ZNF664: variants seen among roughly 807,000 people sequenced by gnomAD.
The protein encoded by ZNF664 is zinc finger protein 664.
In ZNF664, 10 loss-of-function variants were observed where a neutral mutation model predicts 18.2. The observed-to-expected ratio is 0.55, with a 90% CI of 0.34 to 0.93. The LOEUF (loss-of-function observed/expected upper bound fraction) is 0.93, where lower values mean the gene tolerates loss of function less well. Ranked by LOEUF, ZNF664 falls within the 40% of genes least tolerant of loss-of-function variation. ZNF664 has a pLI of 0.02. For synonymous variants in ZNF664, 119 were observed against 104.2 expected (o/e 1.14, Z -0.86); for missense variants, 193 against 319.0 (o/e 0.61, Z 3.01).
intron 3 of ZNF664, among the ~76,000 whole-genome samples, chr12:123,993,122 G>A (rs1197715793): frequency 6.6e-6 from 1 of 152,206 alleles, no homozygotes; most frequent in Non-Finnish European, 1.5e-5. Context: ...GTTTGGCGAA[G>A]TCAGAGAAGG....
chr12:123,998,986 A>G (rs10846581), intron 3 of ZNF664, among the ~76,000 whole-genome samples: 17,474 of 152,184 alleles, frequency 0.11, 2,006 homozygotes, highest in East Asian at 0.54. Context: ...CTAGGGATAT[A>G]GGGATCTTTC....
chr12:123,996,021 G>A (rs1292661066), intron 3 of ZNF664, among the ~76,000 whole-genome samples: 1 of 152,170 alleles, frequency 6.6e-6, no homozygotes, highest in Non-Finnish European at 1.5e-5. Flanking sequence ...AGTGCAGTTA[G>A]GAAAGGGAAA....
intron 3 of ZNF664, among the ~76,000 whole-genome samples, chr12:124,007,864 T>C (rs1957091422): frequency 6.6e-6 from 1 of 152,214 alleles, no homozygotes; most frequent in South Asian, 2.1e-4. Flanking sequence ...TGCTGAAGCA[T>C]TTTAAGTCAC....
At chr12:123,996,469 T>C (rs1294330376) in intron 3 of ZNF664, among the ~76,000 whole-genome samples, 1 of 152,170 alleles carries the variant, frequency 6.6e-6, no homozygotes, top group Non-Finnish European at 1.5e-5. Context: ...GGAGATAGAA[T>C]GCTCTGTAAA....
At chr12:124,011,510 G>A (rs1254599644) in intron 4 of ZNF664, 36 bp from the exon 5 acceptor site, 3 of 799,298 alleles carry the variant, frequency 3.8e-6, no homozygotes, top group Non-Finnish European at 4.5e-6. Flanking sequence ...CCAGATAAAA[G>A]CATTTTCAAT....
intron 2 of ZNF664, among the ~76,000 whole-genome samples, chr12:123,976,063 G>A (rs1209354014): frequency 1.3e-5 from 2 of 152,114 alleles, no homozygotes; most frequent in Non-Finnish European, 2.9e-5. Flanking sequence ...CTTTCTTTCA[G>A]ATATATATGA....
intron 3 of ZNF664, among the ~76,000 whole-genome samples, chr12:123,990,261 A>T (rs1397647226): frequency 6.6e-6 from 1 of 152,192 alleles, no homozygotes; most frequent in Admixed American, 6.5e-5. Flanking sequence ...AATGGTTAAG[A>T]TGGTAGATTT....
At chr12:124,007,033 G>T (rs1470023022) in intron 3 of ZNF664, among the ~76,000 whole-genome samples, 2 of 152,170 alleles carry the variant, frequency 1.3e-5, no homozygotes, top group East Asian at 3.8e-4. Context: ...AGAGTTGGGT[G>T]GGGGCTGTGT....
At chr12:123,975,994 T>G (rs979217502) in intron 2 of ZNF664, among the ~76,000 whole-genome samples, 3 of 152,208 alleles carry the variant, frequency 2.0e-5, no homozygotes, top group Non-Finnish European at 2.9e-5. Context: ...GATTGAATGA[T>G]GTGATGGGTA....
At chr12:123,980,774 C>A (rs1222507051) in intron 2 of ZNF664, among the ~76,000 whole-genome samples, 5 of 152,130 alleles carry the variant, frequency 3.3e-5, no homozygotes, top group Non-Finnish European at 7.3e-5. Flanking sequence ...AGATGGAAAT[C>A]TTAAGAATTG....
rs1278930981 is a variant in ZNF664 at position 124,014,594 on chromosome 12, G to A, written c.*1664G>A. 6.0e-6 allele frequency: 1 copy of A among 167,104 alleles called. No individual in the cohort carries two copies. Among genetic ancestry groups the A allele is most frequent in the Admixed American group, 6.5e-5 (1 of 15,292 alleles). The allele number at this position is 167,104 out of a possible 1,614,324, so 10.4% of individuals were successfully genotyped here. On this transcript the variant is annotated 3_prime_UTR_variant, in exon 5 of 5. Transcript: ENST00000337815. The stretch of plus-strand genomic sequence containing the variant: ...CTCAGGAAGTCTTTGGGGAAATTAA[G>A]GATCTTTGAAGCTCTGAAATAGGTG...
chr12:123,976,787 A>T (rs1465242402), intron 2 of ZNF664, among the ~76,000 whole-genome samples: 4 of 143,106 alleles, frequency 2.8e-5, no homozygotes, highest in East Asian at 2.0e-4. Flanking sequence ...ATGTTTGATT[A>T]AAAAAAAAAA....
At chr12:123,986,611 AG>A (rs1188583879) in intron 2 of ZNF664, among the ~76,000 whole-genome samples, 1 of 152,136 alleles carries the variant, frequency 6.6e-6, no homozygotes, top group African/African-American at 2.4e-5. Context: ...CCTGAGAGAG[AG>A]GGAATCTGAT....
intron 3 of ZNF664, among the ~76,000 whole-genome samples, chr12:124,004,220 C>T (rs1219129732): frequency 6.6e-6 from 1 of 152,030 alleles, no homozygotes; most frequent in Non-Finnish European, 1.5e-5. Context: ...GTGATGATGA[C>T]AGAAGAGAGA....
chr12:123,973,689 G>T, intron 1 of ZNF664, 197 bp from the exon 2 acceptor site: 1 of 969,772 alleles, frequency 1.0e-6, no homozygotes, highest in East Asian at 3.8e-5. Flanking sequence ...CCCCTCGGGA[G>T]CCGGACTCCC....
At chr12:123,978,472 G>T (rs759428587) in intron 2 of ZNF664, among the ~76,000 whole-genome samples, 6 of 152,174 alleles carry the variant, frequency 3.9e-5, no homozygotes, top group Non-Finnish European at 5.9e-5. Flanking sequence ...ATGTACCAAA[G>T]CTTTATGAAG....
chr12:123,977,093 C>G (rs1162886258), intron 2 of ZNF664, among the ~76,000 whole-genome samples: 2 of 152,034 alleles, frequency 1.3e-5, no homozygotes, highest in Non-Finnish European at 2.9e-5. Flanking sequence ...ACAAACAAAA[C>G]CCCCACAAAT....
At chr12:124,009,530 ACT>A (rs1957110795) in intron 3 of ZNF664, among the ~76,000 whole-genome samples, 1 of 151,772 alleles carries the variant, frequency 6.6e-6, no homozygotes, top group African/African-American at 2.4e-5. Context: ...ATAGGGTCTC[ACT>A]CTGTTGCTGA....
At chr12:123,975,400 C>G (rs1322172721) in intron 2 of ZNF664, among the ~76,000 whole-genome samples, 4 of 149,460 alleles carry the variant, frequency 2.7e-5, no homozygotes, top group Non-Finnish European at 5.9e-5. Flanking sequence ...TTTCCTAGGG[C>G]TTTCTTTTCT....
Sources: allele counts gnomAD v4.1 joint callset (sites outside exome capture counted in the v4.1 genomes callset), GRCh38; gene constraint gnomAD v4.1.1; transcripts MANE v1.5; gene names NCBI Gene and HGNC (gene_info 2026-07-23, HGNC 2026-07-21).